Variants in ATE1 observed in about 807,000 individuals in gnomAD.
The protein encoded by ATE1 is arginyltransferase 1.
A neutral mutation model predicts 70.5 loss-of-function variants in ATE1; 36 were observed. That is an observed-to-expected ratio of 0.51 (90% CI 0.39 to 0.67). The LOEUF (loss-of-function observed/expected upper bound fraction) is 0.67. ATE1 is among the 30% of genes least tolerant of loss of function. ATE1 has a pLI of 0.00. For synonymous variants in ATE1, 232 were observed against 219.3 expected (o/e 1.06, Z -0.51); for missense variants, 593 against 629.5 (o/e 0.94, Z 0.62).
chr10:121,752,204 AAAAG>A (rs1742048993), intron 11 of ATE1, among the ~76,000 whole-genome samples: 1 of 139,498 alleles, frequency 7.2e-6, no homozygotes, highest in Non-Finnish European at 1.5e-5. Flanking sequence ...CTCAAAAAAA[AAAAG>A]ATTTACTCCA....
intron 3 of ATE1, among the ~76,000 whole-genome samples, chr10:121,915,962 C>A (rs1951636739): frequency 6.6e-6 from 1 of 150,600 alleles, no homozygotes; most frequent in Admixed American, 6.6e-5. Context: ...TTCGGCCAGG[C>A]ACAGTGGCTC....
rs988090634 is a variant in ATE1 at position 121,742,984 on chromosome 10, T to C, written c.*696A>G. The stretch of plus-strand genomic sequence containing the variant: ...ATAACTAGAGTAATTATGTATTTTA[T>C]TGTCCAAACTGGGATATTTTTTAGA... On this transcript the variant is annotated 3_prime_UTR_variant, in exon 12 of 12. Coordinates refer to ENST00000224652, the MANE Select transcript of ATE1 (RefSeq NM_001001976.3). 5.9e-5 allele frequency: 9 copies of C among 152,226 alleles called. No homozygotes were observed. Among genetic ancestry groups the C allele is most frequent in the African/African-American group, 2.2e-4 (9 of 41,456 alleles). 9.4% of individuals were successfully genotyped at this position (152,226 alleles called of 1,614,324 possible).
chr10:121,826,506 C>A (rs935698908), intron 10 of ATE1, among the ~76,000 whole-genome samples: 2 of 152,180 alleles, frequency 1.3e-5, no homozygotes, highest in African/African-American at 4.8e-5. Flanking sequence ...CAGGGTTTCA[C>A]CATGTTGGCC....
chr10:121,803,187 C>A (rs573329394), intron 10 of ATE1, among the ~76,000 whole-genome samples: 1 of 152,154 alleles, frequency 6.6e-6, no homozygotes, highest in African/African-American at 2.4e-5. Flanking sequence ...ACATCAATTT[C>A]TTTACGTTCC....
intron 8 of ATE1, among the ~76,000 whole-genome samples, chr10:121,861,406 G>A (rs1408637325): frequency 2.0e-5 from 3 of 151,856 alleles, no homozygotes; most frequent in Non-Finnish European, 2.9e-5. Context: ...GAGATATATG[G>A]CTGCAATAAA....
rs555480024 is a variant in ATE1, at chr10:121,863,072, G to A, written c.975+6934C>T. On this transcript the variant is annotated intron_variant, in intron 8 of 11. Coordinates refer to ENST00000224652, the MANE Select transcript of ATE1 (RefSeq NM_001001976.3). ...AAATGTTCTATCAATTACTGAGAAA[G>A]TTGTCCTGAAGTCCCCAACTACTAC... Among the ~76,000 whole-genome samples, 10 of 152,222 alleles carry A rather than the reference G, an allele frequency of 6.6e-5. No homozygotes were observed. In the East Asian group the frequency reaches 1.4e-3, roughly 21 times the overall value.
chr10:121,783,879 G>A (rs1421043198), intron 11 of ATE1, among the ~76,000 whole-genome samples: 12 of 151,936 alleles, frequency 7.9e-5, no homozygotes, highest in African/African-American at 2.9e-4. Context: ...CTTGTTTGGG[G>A]GAAAATTTTT....
At chr10:121,847,958 C>G (rs1447249561) in intron 8 of ATE1, among the ~76,000 whole-genome samples, 1 of 151,422 alleles carries the variant, frequency 6.6e-6, no homozygotes, top group Non-Finnish European at 1.5e-5. Context: ...GTAATCCCAG[C>G]TACTCGGGAG....
intron 10 of ATE1, among the ~76,000 whole-genome samples, chr10:121,790,620 A>G (rs1436269976): frequency 6.6e-6 from 1 of 152,178 alleles, no homozygotes; most frequent in East Asian, 1.9e-4. Flanking sequence ...TTGTCTTTCA[A>G]ATACTAGTTA....
intron 11 of ATE1, among the ~76,000 whole-genome samples, chr10:121,762,568 GC>G (rs1945089316): frequency 6.6e-6 from 1 of 151,874 alleles, no homozygotes; most frequent in South Asian, 2.1e-4. Context: ...CCAGTTTCCT[GC>G]CACATCCCAA....
Position 121,879,023 on chromosome 10 carries a change from G to T in ATE1, c.943-8985C>A, listed in dbSNP as rs562880790. Among the ~76,000 whole-genome samples, 6 of 152,220 alleles carry T rather than the reference G, an allele frequency of 3.9e-5. No homozygotes were observed. In the South Asian group the frequency reaches 1.2e-3, roughly 32 times the overall value. On this transcript the variant is annotated intron_variant, in intron 7 of 11. Coordinates refer to ENST00000224652, the MANE Select transcript of ATE1 (RefSeq NM_001001976.3). ...AACACTAAAATAAGGTGACAAATAGGTGTTTAGGTAACAAGAAAATAAGTC... is the reference window on the plus strand; with the variant it reads ...AACACTAAAATAAGGTGACAAATAGTTGTTTAGGTAACAAGAAAATAAGTC...
chr10:121,918,919 G>A (rs1951768139), intron 3 of ATE1, among the ~76,000 whole-genome samples: 1 of 152,112 alleles, frequency 6.6e-6, no homozygotes, highest in African/African-American at 2.4e-5. Flanking sequence ...TCTGTAGCTA[G>A]CTAGAGGATT....
chr10:121,881,690 G>C (rs1473685221), intron 7 of ATE1, among the ~76,000 whole-genome samples: 1 of 142,928 alleles, frequency 7.0e-6, no homozygotes, highest in African/African-American at 2.5e-5. Context: ...AAAAAAAAAG[G>C]AAAGAAAATC....
At chr10:121,776,806 G>T (rs1945764427) in intron 11 of ATE1, among the ~76,000 whole-genome samples, 1 of 152,144 alleles carries the variant, frequency 6.6e-6, no homozygotes, top group African/African-American at 2.4e-5. Flanking sequence ...GTCTTACAGG[G>T]GACTACAGTT....
chr10:121,808,003 T>C (rs1590353697), intron 10 of ATE1, among the ~76,000 whole-genome samples: 1 of 152,154 alleles, frequency 6.6e-6, no homozygotes, highest in East Asian at 1.9e-4. Flanking sequence ...TGTAAAAAAA[T>C]GTAATTGCCA....
Position 121,815,377 on chromosome 10 carries a change from C to T in ATE1, c.1257+21341G>A, listed in dbSNP as rs1032578011. ...GGTGTCATCTCCTGACCTTGTGATC[C>T]GCCTGTCTCGGCCTCCCAAAGTGCT... is the stretch of plus-strand genomic sequence containing the variant. On this transcript the variant is annotated intron_variant, in intron 10 of 11. Transcript: ENST00000224652. Among the ~76,000 whole-genome samples, 5 of 152,144 alleles carry T rather than the reference C, an allele frequency of 3.3e-5. No homozygotes were observed. The East Asian group carries it at 5.8e-4, about 18-fold the overall frequency.
intron 1 of ATE1, chr10:121,927,076 G>C: frequency 1.0e-6 from 1 of 985,238 alleles, no homozygotes; most frequent in African/African-American, 1.7e-5. Context: ...AAATAATAGA[G>C]TCTACATTCT....
At chr10:121,795,506 T>A (rs1369771232) in intron 10 of ATE1, among the ~76,000 whole-genome samples, 2 of 152,206 alleles carry the variant, frequency 1.3e-5, no homozygotes, top group East Asian at 1.9e-4. Flanking sequence ...CACCTGCTCA[T>A]ACAATGATAT....
chr10:121,742,576 G>C lies in ATE1; in HGVS notation c.*1104C>G, dbSNP rs749411236. On this transcript the variant is annotated 3_prime_UTR_variant, in exon 12 of 12. Transcript: ENST00000224652. ...ACTGTCCTCCTGTACCCAGCACAGT[G>C]CCTGCCACCTTGACAGGTGGGCAAA... 13 of 152,194 alleles carry C rather than the reference G, an allele frequency of 8.5e-5. No homozygotes were observed. The highest frequency in any genetic ancestry group is 1.8e-4 in the Non-Finnish European group (12 of 68,092). 9.4% of individuals were successfully genotyped at this position (152,194 alleles called of 1,614,324 possible).
Sources: allele counts gnomAD v4.1 joint callset (sites outside exome capture counted in the v4.1 genomes callset), GRCh38; gene constraint gnomAD v4.1.1; transcripts MANE v1.5; gene names NCBI Gene and HGNC (gene_info 2026-07-23, HGNC 2026-07-21).